The following LARGE1 variants were observed in gnomAD, a reference collection of about 807,000 sequenced individuals.
LARGE1 encodes the protein LARGE xylosyl- and glucuronyltransferase 1.
Under a neutral mutation model 87.6 loss-of-function variants are expected in LARGE1, and 43 were observed. The ratio of observed to expected loss-of-function variants is 0.49; its 90% confidence interval spans 0.38 to 0.63. The LOEUF is 0.63. Among genes scored for constraint, LARGE1 ranks in the 30% least tolerant of loss-of-function variants. The pLI is 0.00. For missense variants in LARGE1, 802 were observed against 1,000.2 expected (o/e 0.80, Z 2.67); for synonymous variants, 434 against 394.6 (o/e 1.10, Z -1.18).
Position 33,366,425 on chromosome 22 carries a change from T to C in LARGE1, c.1131+15494A>G, listed in dbSNP as rs181126728. On this transcript the variant is annotated intron_variant, in intron 9 of 14. Coordinates refer to ENST00000397394, the MANE Select transcript of LARGE1 (RefSeq NM_133642.5). Reference sequence around the variant, plus strand: ...CGTAATTTTGTCAAATAACTTTCCTTCATCTGTTTATATGATTATTTGGTA... The same window carrying C: ...CGTAATTTTGTCAAATAACTTTCCTCCATCTGTTTATATGATTATTTGGTA... 3.3e-5 allele frequency among the ~76,000 whole-genome samples: 5 copies of C among 152,368 alleles called. No homozygotes were observed. In the East Asian group the frequency reaches 7.7e-4, roughly 23 times the overall value.
intron 7 of LARGE1, among the ~76,000 whole-genome samples, chr22:33,404,174 G>A (rs1485758979): frequency 1.3e-5 from 2 of 152,166 alleles, no homozygotes; most frequent in Non-Finnish European, 2.9e-5. Context: ...TTCAACCAGT[G>A]GTCAGCGAAG....
At chr22:33,610,544 A>T (rs781655967) in intron 4 of LARGE1, among the ~76,000 whole-genome samples, 3 of 152,216 alleles carry the variant, frequency 2.0e-5, no homozygotes, top group Non-Finnish European at 4.4e-5. Context: ...GCAATGATCT[A>T]AAAGTTGGAA....
intron 2 of LARGE1, among the ~76,000 whole-genome samples, chr22:33,715,878 G>A (rs562515809): frequency 5.9e-5 from 9 of 152,284 alleles, no homozygotes; most frequent in South Asian, 4.1e-4. Flanking sequence ...AGCTGACAAC[G>A]GCTTTCCTTT....
intron 11 of LARGE1, among the ~76,000 whole-genome samples, chr22:33,312,153 G>C (rs1935669306): frequency 6.6e-6 from 1 of 152,120 alleles, no homozygotes; most frequent in South Asian, 2.1e-4. Context: ...ACCACTTTCA[G>C]ATCACAGATG....
At chr22:33,082,305 A>T in the LARGE1 span, among the ~76,000 whole-genome samples, 1 of 152,210 alleles carries the variant, frequency 6.6e-6, no homozygotes, top group Non-Finnish European at 1.5e-5. Context: ...TCCTCTGTGC[A>T]GATGCCAGCA....
intron 1 of LARGE1, among the ~76,000 whole-genome samples, chr22:33,821,484 ACGT>A (rs1308809601): frequency 6.6e-6 from 1 of 152,154 alleles, no homozygotes; most frequent in Non-Finnish European, 1.5e-5. Flanking sequence ...GATATAAACC[ACGT>A]CTGACAAATG....
the LARGE1 span, chr22:33,108,430 G>A: frequency 1.3e-5 from 2 of 152,172 alleles, no homozygotes; most frequent in African/African-American, 4.8e-5. Flanking sequence ...TTCTGCAGAA[G>A]GAAAAGGAGT....
chr22:33,123,569 G>T, the LARGE1 span, among the ~76,000 whole-genome samples: 1 of 152,202 alleles, frequency 6.6e-6, no homozygotes, highest in South Asian at 2.1e-4. Context: ...CAAAGAAGGT[G>T]TAAGTATAGG....
chr22:33,564,824 A>T, intron 6 of LARGE1, 24 bp downstream of exon 6: 1 of 1,613,694 alleles, frequency 6.2e-7, no homozygotes, highest in Non-Finnish European at 8.5e-7. Flanking sequence ...GATATCGGGG[A>T]AAAAACGAAT....
At chr22:33,416,983 T>C (rs1295454827) in intron 7 of LARGE1, among the ~76,000 whole-genome samples, 2 of 146,434 alleles carry the variant, frequency 1.4e-5, no homozygotes, top group Admixed American at 7.0e-5. Flanking sequence ...CTCAGCTCAC[T>C]GCAACCTCCG....
intron 2 of LARGE1, among the ~76,000 whole-genome samples, chr22:33,698,926 T>C (rs1193723306): frequency 6.6e-6 from 1 of 152,212 alleles, no homozygotes. Context: ...GACTCAATCT[T>C]ATATACCTAT....
At chr22:33,734,562 T>C (rs1365645702) in intron 2 of LARGE1, among the ~76,000 whole-genome samples, 1 of 151,142 alleles carries the variant, frequency 6.6e-6, no homozygotes, top group Non-Finnish European at 1.5e-5. Flanking sequence ...AAACACTCTT[T>C]GTTCATCTGC....
intron 1 of LARGE1, among the ~76,000 whole-genome samples, chr22:33,891,902 T>A (rs552941281): frequency 6.6e-6 from 1 of 152,342 alleles, no homozygotes; most frequent in East Asian, 1.9e-4. Flanking sequence ...TAACTCAAAA[T>A]CCTAGTCTGA....
intron 2 of LARGE1, among the ~76,000 whole-genome samples, chr22:33,703,486 A>G (rs1156967169): frequency 6.6e-6 from 1 of 152,224 alleles, no homozygotes; most frequent in African/African-American, 2.4e-5. Context: ...ACAAAAAAGG[A>G]CTTTGTAGGT....
intron 1 of LARGE1, among the ~76,000 whole-genome samples, chr22:33,891,118 C>T (rs888949117): frequency 6.6e-6 from 1 of 152,152 alleles, no homozygotes; most frequent in African/African-American, 2.4e-5. Context: ...TTGCTTCCCC[C>T]TTGCCTCATT....
At chr22:33,708,880 C>G (rs927409005) in intron 2 of LARGE1, among the ~76,000 whole-genome samples, 1 of 151,998 alleles carries the variant, frequency 6.6e-6, no homozygotes. Context: ...ATTACAGGCG[C>G]GAGCCATCAC....
intron 2 of LARGE1, among the ~76,000 whole-genome samples, chr22:33,689,616 G>A (rs2082039305): frequency 6.6e-6 from 1 of 152,070 alleles, no homozygotes; most frequent in Non-Finnish European, 1.5e-5. Flanking sequence ...AGAAGGAAAT[G>A]TAAAGAAAAA....
At chr22:33,430,926 A>G (rs1429605941) in intron 7 of LARGE1, among the ~76,000 whole-genome samples, 1 of 139,976 alleles carries the variant, frequency 7.1e-6, no homozygotes, top group Non-Finnish European at 1.5e-5. Context: ...CTCAGCCTCC[A>G]GGGCAGGCTT....
chr22:33,275,982 G>A (rs1330977304), intron 14 of LARGE1, among the ~76,000 whole-genome samples: 1 of 152,130 alleles, frequency 6.6e-6, no homozygotes, highest in African/African-American at 2.4e-5. Context: ...ATATGGACAT[G>A]ATTCTATAAC....
Sources: gnomAD v4.1 joint callset for allele counts (sites outside exome capture counted in the v4.1 genomes callset) on GRCh38, gnomAD v4.1.1 for gene constraint, MANE v1.5 for transcripts, NCBI Gene and HGNC (gene_info 2026-07-23, HGNC 2026-07-21) for gene names.